The following INPP4B variants were observed in gnomAD, a reference collection of about 807,000 sequenced individuals.
INPP4B encodes inositol polyphosphate-4-phosphatase type II B.
Under a neutral mutation model 122.5 loss-of-function variants are expected in INPP4B, and 55 were observed. That is an observed-to-expected ratio of 0.45 (90% CI 0.36 to 0.56). The LOEUF is 0.56. INPP4B is among the 20% of genes least tolerant of loss of function. The pLI is 0.00. For missense variants in INPP4B, 1,000 were observed against 1,097.7 expected (o/e 0.91, Z 1.26); for synonymous variants, 403 against 388.7 (o/e 1.04, Z -0.43).
At chr4:142,119,583 G>A (rs928235143) in intron 21 of INPP4B, among the ~76,000 whole-genome samples, 10 of 151,320 alleles carry the variant, frequency 6.6e-5, no homozygotes, top group African/African-American at 2.4e-4. Flanking sequence ...ACTCATAGGT[G>A]GGAACTGAAC....
At chr4:142,556,674 T>C (rs903300518) in intron 2 of INPP4B, among the ~76,000 whole-genome samples, 1 of 151,874 alleles carries the variant, frequency 6.6e-6, no homozygotes, top group Non-Finnish European at 1.5e-5. Flanking sequence ...GGGGGAGGTA[T>C]GCATGTGATG....
chr4:142,085,597 T>C (rs1776349735), intron 24 of INPP4B, among the ~76,000 whole-genome samples: 1 of 152,126 alleles, frequency 6.6e-6, no homozygotes, highest in Admixed American at 6.5e-5. Flanking sequence ...AGGCAGCTCT[T>C]TTACCCCAAG....
intron 23 of INPP4B, among the ~76,000 whole-genome samples, chr4:142,101,144 C>T (rs1784295350): frequency 6.6e-6 from 1 of 152,060 alleles, no homozygotes; most frequent in Admixed American, 6.6e-5. Flanking sequence ...ATCAACCATA[C>T]CATGTTCTAA....
chr4:142,796,869 TGTG>T (rs1561079435), intron 1 of INPP4B, among the ~76,000 whole-genome samples: 1 of 15,718 alleles, frequency 6.4e-5, no homozygotes, highest in East Asian at 0.012. Flanking sequence ...GGAAAACAGA[TGTG>T]TGTGTGTGTG....
intron 1 of INPP4B, among the ~76,000 whole-genome samples, chr4:142,739,658 T>C (rs772989253): frequency 1.3e-5 from 2 of 151,732 alleles, no homozygotes; most frequent in Admixed American, 6.6e-5. Flanking sequence ...AGAGGAACAT[T>C]AAGAGCCTAG....
chr4:142,428,763 C>T (rs561269410), intron 5 of INPP4B, among the ~76,000 whole-genome samples: 11 of 151,860 alleles, frequency 7.2e-5, no homozygotes, highest in Non-Finnish European at 1.3e-4. Flanking sequence ...TTCTTGAATA[C>T]GAGAGAAATG....
intron 2 of INPP4B, among the ~76,000 whole-genome samples, chr4:142,627,974 G>A (rs985807249): frequency 2.0e-5 from 3 of 151,996 alleles, no homozygotes; most frequent in African/African-American, 4.8e-5. Flanking sequence ...TCCTGGTTTA[G>A]TCTTGGAAGA....
At chr4:142,177,342 A>G (rs1003063711) in intron 15 of INPP4B, among the ~76,000 whole-genome samples, 1 of 152,210 alleles carries the variant, frequency 6.6e-6, no homozygotes, top group South Asian at 2.1e-4. Flanking sequence ...CTTTTCAAAC[A>G]TGTCATATAT....
intron 2 of INPP4B, among the ~76,000 whole-genome samples, chr4:142,488,609 A>C (rs1821475317): frequency 6.6e-6 from 1 of 152,048 alleles, no homozygotes; most frequent in African/African-American, 2.4e-5. Flanking sequence ...CAATTTTGTT[A>C]AGTTGTGATT....
intron 1 of INPP4B, among the ~76,000 whole-genome samples, chr4:142,771,179 C>T (rs78582357): frequency 0.056 from 8,539 of 152,036 alleles, 355 homozygotes; most frequent in African/African-American, 0.11. Context: ...AAAAAATTAC[C>T]TTGTCATGTT....
chr4:142,737,443 C>T (rs1449986583), intron 1 of INPP4B, among the ~76,000 whole-genome samples: 1 of 152,086 alleles, frequency 6.6e-6, no homozygotes, highest in East Asian at 1.9e-4. Flanking sequence ...CTTCCTTACA[C>T]CTTATACAAA....
chr4:142,709,998 T>G (rs147155602), intron 2 of INPP4B, among the ~76,000 whole-genome samples: 1 of 152,346 alleles, frequency 6.6e-6, no homozygotes, highest in East Asian at 1.9e-4. Flanking sequence ...ATTTGTTTAT[T>G]TGACAAATCT....
intron 2 of INPP4B, among the ~76,000 whole-genome samples, chr4:142,642,415 C>T (rs1255537680): frequency 1.4e-4 from 21 of 152,150 alleles, no homozygotes; most frequent in South Asian, 1.2e-3. Flanking sequence ...AACATTTAAG[C>T]CTTTAATCCA....
intron 2 of INPP4B, among the ~76,000 whole-genome samples, chr4:142,639,660 C>T (rs1749957962): frequency 6.6e-6 from 1 of 152,022 alleles, no homozygotes; most frequent in South Asian, 2.1e-4. Flanking sequence ...GGCGGCTTTG[C>T]AGAGACAGCA....
At chr4:142,305,569 C>T (rs768064503) in intron 8 of INPP4B, 32 bp from the exon 9 acceptor site, 4 of 1,587,428 alleles carry the variant, frequency 2.5e-6, no homozygotes, top group Non-Finnish European at 2.6e-6. Flanking sequence ...GTTTCATTAA[C>T]TTGAGGTTCT....
intron 18 of INPP4B, 34 bp from the exon 19 acceptor site, chr4:142,124,794 A>T: frequency 7.0e-7 from 1 of 1,421,972 alleles, no homozygotes; most frequent in Non-Finnish European, 9.3e-7. Context: ...AGTGCAATAG[A>T]TGAAGGAAGG....
chr4:142,820,763 A>T (rs961703665), intron 1 of INPP4B, among the ~76,000 whole-genome samples: 17 of 152,114 alleles, frequency 1.1e-4, no homozygotes, highest in African/African-American at 2.9e-4. Context: ...TATTCAAATG[A>T]ATGATTGCAA....
intron 1 of INPP4B, among the ~76,000 whole-genome samples, chr4:142,806,603 G>T (rs1005032609): frequency 1.3e-5 from 2 of 151,542 alleles, no homozygotes; most frequent in African/African-American, 4.9e-5. Context: ...ACTTAGCCTG[G>T]CATGGTGGCA....
intron 9 of INPP4B, among the ~76,000 whole-genome samples, 194 bp from the exon 10 acceptor site, chr4:142,270,968 T>G (rs181017372): frequency 9.1e-4 from 139 of 152,000 alleles, no homozygotes; most frequent in Middle Eastern, 3.4e-3. Flanking sequence ...TGTTTTCTTT[T>G]TTCTTTTTTT....
Sources: allele counts gnomAD v4.1 joint callset (sites outside exome capture counted in the v4.1 genomes callset), GRCh38; gene constraint gnomAD v4.1.1; transcripts MANE v1.5; gene names NCBI Gene and HGNC (gene_info 2026-07-23, HGNC 2026-07-21).